ARHGAP6: variants seen among roughly 807,000 people sequenced by gnomAD.
ARHGAP6 encodes rho GTPase-activating protein 6.
A neutral mutation model predicts 55.7 loss-of-function variants in ARHGAP6; 16 were observed. The observed-to-expected ratio is 0.29, with a 90% CI of 0.19 to 0.44. ARHGAP6 has a LOEUF of 0.44. Among genes scored for constraint, ARHGAP6 ranks in the 20% least tolerant of loss-of-function variants. The pLI is 1.00. For synonymous variants in ARHGAP6, 382 were observed against 360.9 expected (o/e 1.06, Z -0.66); for missense variants, 698 against 808.9 (o/e 0.86, Z 1.66).
At chrX:11,486,816 C>T (rs1422082987) in intron 1 of ARHGAP6, among the ~76,000 whole-genome samples, 19 of 111,828 alleles carry the variant, frequency 1.7e-4, no homozygotes, top group Non-Finnish European at 1.9e-5. Flanking sequence ...ATAAGGTGCC[C>T]ATGTGCCACG....
chrX:11,266,779 AC>A (rs981483541), intron 1 of ARHGAP6, among the ~76,000 whole-genome samples: 1 of 112,035 alleles, frequency 8.9e-6, no homozygotes, highest in Non-Finnish European at 1.9e-5. Context: ...GTGAATTCCA[AC>A]AAAAGAATCA....
chrX:11,560,090 T>G (rs1302899794), intron 1 of ARHGAP6, among the ~76,000 whole-genome samples: 2 of 110,509 alleles, frequency 1.8e-5, no homozygotes, highest in Admixed American at 9.6e-5. Context: ...CCCTACAACT[T>G]CAGAGAAGAG....
intron 1 of ARHGAP6, among the ~76,000 whole-genome samples, chrX:11,581,990 A>T (rs1041942623): frequency 8.9e-6 from 1 of 112,115 alleles, no homozygotes; most frequent in East Asian, 2.8e-4. Flanking sequence ...AACAAAAAAA[A>T]ACTTCCAAAT....
At position 11,665,104 on chromosome X, in the gene ARHGAP6, C is replaced by T. The variant is rs1182695054; in HGVS notation, c.-276G>A. 7.0e-6 allele frequency: 2 copies of T among 286,245 alleles called. No homozygotes were observed. Among genetic ancestry groups the T allele is most frequent in the African/African-American group, 5.6e-5 (2 of 35,805 alleles). The allele number at this position is 286,245 out of a possible 1,213,427, so 23.6% of individuals were successfully genotyped here. A position where few individuals can be genotyped will look rare whatever the true frequency, so the allele number is the denominator to read the frequency against. ...GAACCTTCCTCCGGAGCCCAAGACG[C>T]GAAGAGGGTCAGGAAGAGGAGGAGG... On this transcript the variant is annotated 5_prime_UTR_variant, in exon 1 of 13. Coordinates refer to ENST00000337414, the MANE Select transcript of ARHGAP6 (RefSeq NM_013427.3).
At chrX:11,464,786 A>C (rs2050277592) in intron 1 of ARHGAP6, among the ~76,000 whole-genome samples, 1 of 112,091 alleles carries the variant, frequency 8.9e-6, no homozygotes, top group Non-Finnish European at 1.9e-5. Flanking sequence ...TTTGTCTTCC[A>C]TTTCTTCTAC....
intron 1 of ARHGAP6, among the ~76,000 whole-genome samples, chrX:11,621,478 A>G (rs2052229478): frequency 2.7e-5 from 3 of 111,801 alleles, no homozygotes; most frequent in African/African-American, 9.7e-5. Context: ...AGATTTGAAA[A>G]AAAATGGTGT....
intron 2 of ARHGAP6, among the ~76,000 whole-genome samples, chrX:11,242,442 AAAG>A (rs2047296075): frequency 8.9e-6 from 1 of 111,861 alleles, no homozygotes; most frequent in African/African-American, 3.2e-5. Context: ...GATTTTTTTT[AAAG>A]AAGATTTTTT....
chrX:11,141,274 C>T (rs962065202), intron 12 of ARHGAP6, among the ~76,000 whole-genome samples: 10 of 110,868 alleles, frequency 9.0e-5, no homozygotes, highest in Admixed American at 2.8e-4. Context: ...TAAAAAGAAA[C>T]GCATACAGAT....
intron 1 of ARHGAP6, among the ~76,000 whole-genome samples, chrX:11,382,394 T>C (rs748450393): frequency 9.9e-5 from 11 of 110,952 alleles, no homozygotes; most frequent in Non-Finnish European, 1.9e-4. Flanking sequence ...AAATAAAGAG[T>C]GTTTTTATGC....
chrX:11,416,258 T>C (rs750960228), intron 1 of ARHGAP6, among the ~76,000 whole-genome samples: 2 of 111,623 alleles, frequency 1.8e-5, no homozygotes, highest in African/African-American at 3.3e-5. Flanking sequence ...AGTATCTGCG[T>C]GGTAATGGTG....
chrX:11,315,155 T>C lies in ARHGAP6; in HGVS notation c.589-60448A>G, dbSNP rs965376383. ...AAAAACAAAAGCAAGGTAAGTTCCT[T>C]AGCCCATAGCTTCGCTATGTTTTAG... On this transcript the variant is annotated intron_variant, in intron 1 of 12. Coordinates refer to ENST00000337414, the MANE Select transcript of ARHGAP6 (RefSeq NM_013427.3). Among the ~76,000 whole-genome samples, 7 of 112,529 alleles carry C rather than the reference T, an allele frequency of 6.2e-5. No homozygotes were observed. In the East Asian group the frequency reaches 1.4e-3, roughly 22 times the overall value.
chrX:11,195,553 G>C (rs764853204), intron 3 of ARHGAP6, among the ~76,000 whole-genome samples: 5 of 110,777 alleles, frequency 4.5e-5, no homozygotes, highest in Non-Finnish European at 9.4e-5. Flanking sequence ...CAAAAGATGA[G>C]TATACTGTGA....
At chrX:11,256,837 T>A (rs1484296930) in intron 1 of ARHGAP6, among the ~76,000 whole-genome samples, 1 of 111,505 alleles carries the variant, frequency 9.0e-6, no homozygotes, top group Non-Finnish European at 1.9e-5. Context: ...CAGTGGATAA[T>A]GATGAAGACT....
chrX:11,311,147 G>A (rs764199241), intron 1 of ARHGAP6, among the ~76,000 whole-genome samples: 35 of 111,578 alleles, frequency 3.1e-4, no homozygotes, highest in Non-Finnish European at 5.8e-4. Context: ...ACTATCATAA[G>A]TAAAAATGAA....
At chrX:11,644,574 T>C (rs1331984350) in intron 1 of ARHGAP6, among the ~76,000 whole-genome samples, 3 of 110,442 alleles carry the variant, frequency 2.7e-5, no homozygotes, top group East Asian at 5.7e-4. Context: ...AATAAGTACA[T>C]GAAAATATGG....
rs1157427019 is a variant in ARHGAP6, at chrX:11,548,064, C to T, written c.588+116177G>A. Among the ~76,000 whole-genome samples the T allele has an allele frequency of 2.7e-5, 3 of 111,437 alleles. No individual in the cohort carries two copies. The East Asian group carries it at 8.4e-4, about 31-fold the overall frequency. ...AAAAATACTGATGACTGGGGACCAC[C>T]CCCAGAGATTTTTAGTTTAATTCAT... On this transcript the variant is annotated intron_variant, in intron 1 of 12. Coordinates refer to ENST00000337414, the MANE Select transcript of ARHGAP6 (RefSeq NM_013427.3).
intron 2 of ARHGAP6, among the ~76,000 whole-genome samples, chrX:11,244,103 G>A (rs192917090): frequency 7.4e-4 from 83 of 112,291 alleles, no homozygotes; most frequent in African/African-American, 2.6e-3. Context: ...ACTACATCAT[G>A]AAATTAAAAT....
At chrX:11,288,362 G>A (rs1170466603) in intron 1 of ARHGAP6, among the ~76,000 whole-genome samples, 1 of 111,719 alleles carries the variant, frequency 9.0e-6, no homozygotes, top group Non-Finnish European at 1.9e-5. Context: ...TATCATCGTG[G>A]GGCAACACTT....
chrX:11,381,228 G>A (rs1250006150), intron 1 of ARHGAP6, among the ~76,000 whole-genome samples: 1 of 112,331 alleles, frequency 8.9e-6, no homozygotes, highest in Middle Eastern at 4.2e-3. Flanking sequence ...GTAAGTTTCC[G>A]TCTACTTAGT....
Sources: gnomAD v4.1 joint callset for allele counts (sites outside exome capture counted in the v4.1 genomes callset) on GRCh38, gnomAD v4.1.1 for gene constraint, MANE v1.5 for transcripts, NCBI Gene and HGNC (gene_info 2026-07-23, HGNC 2026-07-21) for gene names.